RBFOX2: variants seen among roughly 807,000 people sequenced by gnomAD.
RBFOX2 encodes the protein RNA binding protein fox-1 homolog 2.
RBFOX2 carries 10 observed loss-of-function variants against 49.1 expected under a neutral mutation model. The ratio of observed to expected loss-of-function variants is 0.20; its 90% CI spans 0.13 to 0.35. The LOEUF is 0.35. Ranked by LOEUF, RBFOX2 falls within the 10% of genes least tolerant of loss-of-function variation. The pLI is 1.00. For missense variants in RBFOX2, 323 were observed against 486.9 expected, an observed-to-expected ratio of 0.66 and a Z score of 3.17; for synonymous variants, 183 against 187.4, an observed-to-expected ratio of 0.98 and a Z score of 0.19.
chr22:35,861,164 C>T (rs2043051285), intron 1 of RBFOX2, among the ~76,000 whole-genome samples: 1 of 152,174 alleles, frequency 6.6e-6, no homozygotes, highest in African/African-American at 2.4e-5. Flanking sequence ...AAATACAAAA[C>T]AACTCAAAAT....
intron 1 of RBFOX2, among the ~76,000 whole-genome samples, chr22:35,945,053 T>A (rs2054123579): frequency 6.6e-6 from 1 of 152,054 alleles, no homozygotes; most frequent in Admixed American, 6.6e-5. Flanking sequence ...CAAAAAGAAT[T>A]CTTACCACTC....
intron 2 of RBFOX2, among the ~76,000 whole-genome samples, chr22:35,792,252 G>T (rs1452206369): frequency 6.8e-6 from 1 of 147,006 alleles, no homozygotes; most frequent in Non-Finnish European, 1.5e-5. Context: ...GGAGGTGGAG[G>T]TTGCAGTGAG....
At chr22:36,012,188 A>G (rs1005758748) in intron 1 of RBFOX2, among the ~76,000 whole-genome samples, 3 of 152,202 alleles carry the variant, frequency 2.0e-5, no homozygotes, top group Non-Finnish European at 4.4e-5. Context: ...TCAATATTAA[A>G]TATACGGCAT....
chr22:36,026,535 A>C (rs1031236383), intron 1 of RBFOX2, among the ~76,000 whole-genome samples: 5 of 125,030 alleles, frequency 4.0e-5, no homozygotes, highest in African/African-American at 1.8e-4. Flanking sequence ...ATGATAAATG[A>C]ATACATACAC....
intron 7 of RBFOX2, 46 bp from the exon 9 acceptor site, chr22:35,761,340 G>A: frequency 6.2e-7 from 1 of 1,612,962 alleles, no homozygotes. Flanking sequence ...AGATTAAAAA[G>A]GAGTCACAAA....
intron 9 of RBFOX2, chr22:35,748,530 G>C (rs905743119): frequency 2.0e-5 from 3 of 151,542 alleles, no homozygotes; most frequent in Non-Finnish European, 4.4e-5. Flanking sequence ...ATTACAGTTG[G>C]AATTTTAACA....
At chr22:35,919,066 A>G (rs952485159) in intron 1 of RBFOX2, among the ~76,000 whole-genome samples, 5 of 152,256 alleles carry the variant, frequency 3.3e-5, no homozygotes, top group Admixed American at 6.5e-5. Context: ...AAGTACTGCT[A>G]TAACATGGAT....
intron 6 of RBFOX2, among the ~76,000 whole-genome samples, chr22:35,764,011 GTTTAC>G (rs368899891): frequency 9.8e-4 from 149 of 152,044 alleles, no homozygotes; most frequent in African/African-American, 3.3e-3. Context: ...TTTCTATTTT[GTTTAC>G]TTTGAGTTTT....
At position 35,878,891 on chromosome 22, in the gene RBFOX2, C is replaced by T. The variant is rs371459347; in HGVS notation, c.-34+59956G>A. Among the ~76,000 whole-genome samples the T allele has an allele frequency of 3.9e-4, 60 of 152,230 alleles. 1 individual carries two copies. The East Asian group carries it at 7.9e-3, about 20-fold the overall frequency. ...GACTACAGGCGCCCGCCACCACACCCGGCTAATTTTTTGTATTTTTAGTAG... is the reference window on the plus strand; with the variant it reads ...GACTACAGGCGCCCGCCACCACACCTGGCTAATTTTTTGTATTTTTAGTAG... On this transcript the variant is annotated intron_variant, in intron 1 of 13. Transcript: ENST00000359369.
At position 35,911,645 on chromosome 22, in the gene RBFOX2, A is replaced by G. The variant is rs111480549; in HGVS notation, c.-34+27202T>C. ...TGTTATTATTGGTGTTGTTTACATT[A>G]GCTGCTGGTATCGTTACACTCCTCA... is the stretch of plus-strand genomic sequence containing the variant. On this transcript the variant is annotated intron_variant, in intron 1 of 13. Transcript: ENST00000359369. Among the ~76,000 whole-genome samples, 168 of 152,300 alleles carry G rather than the reference A, an allele frequency of 1.1e-3. 2 individuals carry two copies. The highest frequency in any genetic ancestry group is 2.0e-3 in the Non-Finnish European group (136 of 68,008).
chr22:35,781,831 C>T (rs1427531569), intron 2 of RBFOX2, 85 bp from the exon 4 acceptor site: 1 of 1,564,532 alleles, frequency 6.4e-7, no homozygotes, highest in African/African-American at 1.4e-5. Context: ...CATCCCCAAA[C>T]AGGGTATGTT....
At chr22:35,929,570 A>G (rs1015693547) in intron 1 of RBFOX2, among the ~76,000 whole-genome samples, 1 of 152,220 alleles carries the variant, frequency 6.6e-6, no homozygotes, top group Admixed American at 6.5e-5. Context: ...CCTCAAAAAC[A>G]TTATACTAAT....
intron 1 of RBFOX2, among the ~76,000 whole-genome samples, chr22:35,890,201 G>A (rs1247070612): frequency 1.3e-5 from 2 of 152,076 alleles, no homozygotes; most frequent in Non-Finnish European, 2.9e-5. Flanking sequence ...CTCAAGTAAC[G>A]AAGGGTGATG....
chr22:35,801,079 G>A (rs912123066), intron 2 of RBFOX2, among the ~76,000 whole-genome samples: 7 of 152,038 alleles, frequency 4.6e-5, no homozygotes, highest in African/African-American at 1.7e-4. Flanking sequence ...CGAAGATTAC[G>A]GACTTAGAAT....
intron 9 of RBFOX2, chr22:35,747,575 CACA>C (rs1933222340): frequency 6.6e-6 from 1 of 152,180 alleles, no homozygotes; most frequent in East Asian, 1.9e-4. Context: ...AAGAGACAAT[CACA>C]ACAACAAATG....
At chr22:35,802,738 C>A (rs1214938211) in intron 2 of RBFOX2, among the ~76,000 whole-genome samples, 1 of 152,032 alleles carries the variant, frequency 6.6e-6, no homozygotes, top group Non-Finnish European at 1.5e-5. Context: ...CAGTGGAAGA[C>A]CAGCTAGAAA....
At chr22:35,780,392 T>C (rs1944887818) in intron 3 of RBFOX2, among the ~76,000 whole-genome samples, 1 of 151,870 alleles carries the variant, frequency 6.6e-6, no homozygotes. Context: ...AAAAAAACTA[T>C]TGATTATCTC....
chr22:35,795,628 CAAAAAAAAA>C (rs139555281), intron 2 of RBFOX2, among the ~76,000 whole-genome samples: 2 of 33,570 alleles, frequency 6.0e-5, no homozygotes, highest in Non-Finnish European at 1.1e-4. Flanking sequence ...TGTAGAAAAG[CAAAAAAAAA>C]AAAAAAAAAA....
At chr22:35,807,846 A>C (rs553377428) in intron 2 of RBFOX2, among the ~76,000 whole-genome samples, 1 of 152,236 alleles carries the variant, frequency 6.6e-6, no homozygotes, top group Admixed American at 6.5e-5. Context: ...TAGACTGACC[A>C]ATAAAAAAAG....
Sources: gnomAD v4.1 joint callset for allele counts (sites outside exome capture counted in the v4.1 genomes callset) on GRCh38, gnomAD v4.1.1 for gene constraint, MANE v1.5 for transcripts, NCBI Gene and HGNC (gene_info 2026-07-23, HGNC 2026-07-21) for gene names.